The following SUMF1 variants were observed in gnomAD, a reference collection of about 807,000 sequenced individuals.
SUMF1 encodes formylglycine-generating enzyme.
SUMF1 carries 48 observed loss-of-function variants against 47.6 expected under a neutral mutation model. The observed-to-expected ratio is 1.01, with a 90% CI of 0.80 to 1.28. SUMF1 has a LOEUF of 1.28. SUMF1 is among the 50% of genes most tolerant of loss of function. The pLI, the probability that SUMF1 is intolerant of heterozygous loss-of-function variation, is 0.00. For missense variants in SUMF1, 571 were observed against 485.4 expected, an observed-to-expected ratio of 1.18 and a Z score of -1.66; for synonymous variants, 230 against 192.1, an observed-to-expected ratio of 1.20 and a Z score of -1.63.
intron 8 of SUMF1, among the ~76,000 whole-genome samples, chr3:4,217,763 TAAAACACAA>T (rs1695967386): frequency 6.9e-6 from 1 of 144,616 alleles, no homozygotes. Flanking sequence ...TATTTTTTTT[TAAAACACAA>T]GAAAAGAATA....
chr3:4,367,988 G>A (rs1400919649), intron 8 of SUMF1, among the ~76,000 whole-genome samples: 3 of 151,970 alleles, frequency 2.0e-5, no homozygotes, highest in Admixed American at 1.3e-4. Flanking sequence ...TGACAAATGG[G>A]ATCTAATTAA....
chr3:4,100,548 G>A (rs1013665356), intron 8 of SUMF1, among the ~76,000 whole-genome samples: 2 of 152,028 alleles, frequency 1.3e-5, no homozygotes, highest in African/African-American at 4.8e-5. Flanking sequence ...AAGACTTAAT[G>A]TAAGACCTGA....
At chr3:4,054,271 C>T (rs1695158182) in intron 9 of SUMF1, among the ~76,000 whole-genome samples, 1 of 152,074 alleles carries the variant, frequency 6.6e-6, no homozygotes, top group Admixed American at 6.5e-5. Context: ...AGCAATCATG[C>T]CTTCACCAGA....
At chr3:4,171,095 T>C (rs1289280361) in intron 8 of SUMF1, among the ~76,000 whole-genome samples, 1 of 152,212 alleles carries the variant, frequency 6.6e-6, no homozygotes, top group Non-Finnish European at 1.5e-5. Flanking sequence ...TTAAAAAGAA[T>C]TATTCGATGC....
At chr3:4,146,191 T>A (rs1694189462) in intron 8 of SUMF1, among the ~76,000 whole-genome samples, 1 of 151,816 alleles carries the variant, frequency 6.6e-6, no homozygotes, top group Non-Finnish European at 1.5e-5. Context: ...AAAGAAAACC[T>A]GGGGAAAAGA....
At chr3:4,049,894 G>A (rs536428143) in intron 9 of SUMF1, among the ~76,000 whole-genome samples, 2 of 152,196 alleles carry the variant, frequency 1.3e-5, no homozygotes, top group East Asian at 1.9e-4. Flanking sequence ...TCAATGAGAC[G>A]AATGGGGAGC....
chr3:4,457,058 G>GTATATATATATATATATACGTGTGTGTA lies in SUMF1; in HGVS notation c.271-4010_271-4009insTACACACACGTATATATATATATATATA, dbSNP rs373828142. 9.3e-5 allele frequency among the ~76,000 whole-genome samples: 8 copies of GTATATATATATATATATACGTGTGTGTA among 86,042 alleles called. 1 individual carries two copies. Among genetic ancestry groups the GTATATATATATATATATACGTGTGTGTA allele is most frequent in the African/African-American group, 2.3e-4 (7 of 30,020 alleles). The allele number at this position is 86,042 out of a possible 152,430, so 56.4% of individuals were successfully genotyped here. Reference sequence around the variant, plus strand: ...TGTGTGTATATATATATACGTGTGTGTATATATATATATATACGTGTGTGT... The same window carrying GTATATATATATATATATACGTGTGTGTA: ...TGTGTGTATATATATATACGTGTGTGTATATATATATATATATACGTGTGTGTATATATATATATATATACGTGTGTGT... On this transcript the variant is annotated intron_variant, in intron 1 of 8. Transcript: ENST00000272902.
At chr3:4,128,659 G>T (rs1411150731) in intron 8 of SUMF1, among the ~76,000 whole-genome samples, 1 of 152,120 alleles carries the variant, frequency 6.6e-6, no homozygotes, top group African/African-American at 2.4e-5. Context: ...CCATGAAAAG[G>T]TGTGCTACAC....
chr3:4,240,919 A>G (rs1051994039), intron 8 of SUMF1, among the ~76,000 whole-genome samples: 1 of 152,028 alleles, frequency 6.6e-6, no homozygotes, highest in Admixed American at 6.6e-5. Flanking sequence ...CTTTATAAAG[A>G]CTTAAATGAC....
intron 1 of SUMF1, among the ~76,000 whole-genome samples, chr3:4,466,689 T>G (rs1210035590): frequency 1.3e-5 from 2 of 152,098 alleles, no homozygotes; most frequent in Admixed American, 6.5e-5. Flanking sequence ...ATAATTTGAT[T>G]GCCTTAAAAT....
At chr3:4,249,577 C>T (rs1696747553) in intron 8 of SUMF1, among the ~76,000 whole-genome samples, 1 of 152,188 alleles carries the variant, frequency 6.6e-6, no homozygotes, top group South Asian at 2.1e-4. Flanking sequence ...TCTGACTGCT[C>T]TACCAACTGG....
In SUMF1 at chr3:4,192,484, C is replaced by T. The variant is rs182401589; in HGVS notation, c.1015-123739G>A. On this transcript the variant is annotated intron_variant and NMD_transcript_variant, in intron 8 of 12. Coordinates refer to the SUMF1 transcript ENST00000448413. ...ATTTATATATATACACACAAACATACATAAATCCTCTACCTTATTTCAAGA... is the reference window on the plus strand; with the variant it reads ...ATTTATATATATACACACAAACATATATAAATCCTCTACCTTATTTCAAGA... Among the ~76,000 whole-genome samples the T allele has an allele frequency of 7.1e-4, 108 of 152,022 alleles. 2 individuals carry two copies. The highest frequency in any genetic ancestry group is 2.4e-3 in the African/African-American group (98 of 41,480).
chr3:4,438,742 A>T (rs1453238783), intron 3 of SUMF1, among the ~76,000 whole-genome samples: 1 of 152,186 alleles, frequency 6.6e-6, no homozygotes, highest in African/African-American at 2.4e-5. Context: ...AATTACTAAG[A>T]TCAAGCAGAA....
At chr3:4,076,928 C>T (rs539371474) in intron 8 of SUMF1, among the ~76,000 whole-genome samples, 22 of 151,858 alleles carry the variant, frequency 1.4e-4, no homozygotes, top group African/African-American at 2.9e-4. Context: ...GGCGTGAACC[C>T]GAGAGGCAGA....
In SUMF1 at chr3:4,362,230, C is replaced by A. The variant is rs755981501; in HGVS notation, c.1039G>T (p.Ala347Ser). 5.0e-6 allele frequency: 8 copies of A among 1,614,172 alleles called. No homozygotes were observed. The South Asian group carries it at 7.7e-5, about 16-fold the overall frequency. The change falls in exon 9 of 9, where the codon GCT becomes TCT. Residue 347 changes from alanine (A) to serine (S), a missense_variant. Coordinates refer to ENST00000272902, the MANE Select transcript of SUMF1 (RefSeq NM_182760.4). Reference sequence around the variant, plus strand: ...TCAGGTGTGTTCTGGCTCCGAGCAGCACAGCGATACCTGTAACAATAAGAC... The same window carrying A: ...TCAGGTGTGTTCTGGCTCCGAGCAGAACAGCGATACCTGTAACAATAAGAC... ...HRSYCYRYRC[A>S]ARSQNTPDSS...
chr3:4,303,640 G>T, intron 8 of SUMF1: 1 of 1,425,830 alleles, frequency 7.0e-7, no homozygotes, highest in Non-Finnish European at 9.2e-7. Flanking sequence ...TTCTCTTACA[G>T]CGCACCCGTT....
rs534613805 is a variant in SUMF1, at chr3:4,267,991, G to A, written c.1014+108339C>T. 8.2e-3 allele frequency among the ~76,000 whole-genome samples: 1,048 copies of A among 127,560 alleles called. 9 individuals carry two copies. The highest frequency in any genetic ancestry group is 0.026 in the African/African-American group (991 of 37,964). The allele number at this position is 127,560 out of a possible 152,430, so 83.7% of individuals were successfully genotyped here. On this transcript the variant is annotated intron_variant and NMD_transcript_variant, in intron 8 of 12. Transcript: ENST00000448413. Reference sequence around the variant, plus strand: ...GCAAAGACTTGGAACCAACCCAAATGTCCAACAATGATAGACTGGATTAAG... The same window carrying A: ...GCAAAGACTTGGAACCAACCCAAATATCCAACAATGATAGACTGGATTAAG...
intron 9 of SUMF1, among the ~76,000 whole-genome samples, chr3:4,067,150 G>T (rs534712975): frequency 6.6e-6 from 1 of 152,136 alleles, no homozygotes; most frequent in South Asian, 2.1e-4. Context: ...CTAGGACCAT[G>T]ACTCTTTTAG....
At chr3:4,100,909 A>G (rs901413320) in intron 8 of SUMF1, among the ~76,000 whole-genome samples, 3 of 152,108 alleles carry the variant, frequency 2.0e-5, no homozygotes, top group Admixed American at 6.5e-5. Flanking sequence ...AAAATACTCA[A>G]TATCTCTAAT....
Sources: allele counts gnomAD v4.1 joint callset (sites outside exome capture counted in the v4.1 genomes callset), GRCh38; gene constraint gnomAD v4.1.1; transcripts MANE v1.5; gene names NCBI Gene and HGNC (gene_info 2026-07-23, HGNC 2026-07-21).